The following RAB27B variants were observed in gnomAD, a reference collection of about 807,000 sequenced individuals.
RAB27B encodes RAB27B, member RAS oncogene family.
Under a neutral mutation model 24.6 loss-of-function variants are expected in RAB27B, and 15 were observed. The ratio of observed to expected loss-of-function variants is 0.61; its 90% confidence interval spans 0.41 to 0.94. The LOEUF (loss-of-function observed/expected upper bound fraction) is 0.94. Ranked by LOEUF, RAB27B falls within the 40% of genes least tolerant of loss-of-function variation. RAB27B has a pLI of 0.00. For missense variants in RAB27B, 261 were observed against 266.8 expected (o/e 0.98, Z 0.15); for synonymous variants, 105 against 92.5 (o/e 1.14, Z -0.78).
At chr18:54,804,906 CTTTCTTTCTTTCTTTCTT>C (rs767276109) in intron 2 of RAB27B, among the ~76,000 whole-genome samples, 4 of 115,382 alleles carry the variant, frequency 3.5e-5, no homozygotes, top group African/African-American at 1.1e-4. Context: ...TTCTCTCTCT[CTTTCTTTCTTTCTTTCTT>C]TCTTTCTTTC....
At chr18:54,788,187 A>G (rs954462306) in intron 2 of RAB27B, among the ~76,000 whole-genome samples, 1 of 152,240 alleles carries the variant, frequency 6.6e-6, no homozygotes, top group Non-Finnish European at 1.5e-5. Flanking sequence ...TGAAAGAGGC[A>G]CAGGTTTAGA....
rs145683514 is a variant in RAB27B at position 54,758,093 on chromosome 18, GT to G, written c.-20+39960del. 2.5e-3 allele frequency among the ~76,000 whole-genome samples: 385 copies of G among 151,886 alleles called. 1 individual carries two copies. Among genetic ancestry groups the G allele is most frequent in the African/African-American group, 8.8e-3 (364 of 41,402 alleles). On this transcript the variant is annotated intron_variant, in intron 2 of 4. Transcript: ENST00000586570. ...ATCAATGCTGTGCTTTGTAACCTAG[GT>G]TTTTTTTAAGCCTGTATTTTCTAGA...
chr18:54,856,362 A>T (rs1911786122), intron 1 of RAB27B, among the ~76,000 whole-genome samples: 1 of 152,254 alleles, frequency 6.6e-6, no homozygotes, highest in African/African-American at 2.4e-5. Flanking sequence ...GTAGAGAACT[A>T]GCCAGAGCCA....
chr18:54,728,815 G>A (rs2871702), intron 2 of RAB27B, among the ~76,000 whole-genome samples: 1 of 128,514 alleles, frequency 7.8e-6, no homozygotes, highest in East Asian at 2.5e-4. Flanking sequence ...GACAGAGGTT[G>A]CTGTGAACCA....
intron 3 of RAB27B, 76 bp downstream of exon 3, chr18:54,879,530 C>T (rs1912838894): frequency 2.5e-6 from 3 of 1,182,140 alleles, no homozygotes; most frequent in East Asian, 4.7e-5. Context: ...TGTATGTGAA[C>T]TTGAAAAACA....
At chr18:54,754,899 G>A (rs1205410178) in intron 2 of RAB27B, among the ~76,000 whole-genome samples, 1 of 152,146 alleles carries the variant, frequency 6.6e-6, no homozygotes, top group Non-Finnish European at 1.5e-5. Context: ...TGCCTTGCTA[G>A]TTTTGAGGTG....
rs1911078092 is a variant in RAB27B at position 54,840,802 on chromosome 18, G to A, written c.-20+12102G>A. ...AATACTGTCAACAACACTTGACTGG[G>A]TATCTTTGACAATAAGTTCTCAGTT... On this transcript the variant is annotated intron_variant, in intron 1 of 5. Transcript: ENST00000262094. 2.0e-5 allele frequency among the ~76,000 whole-genome samples: 3 copies of A among 152,116 alleles called. No homozygotes were observed. The South Asian group carries it at 6.2e-4, about 32-fold the overall frequency.
At chr18:54,839,423 G>A (rs899768093) in intron 1 of RAB27B, among the ~76,000 whole-genome samples, 1 of 152,136 alleles carries the variant, frequency 6.6e-6, no homozygotes, top group Admixed American at 6.5e-5. Context: ...AGATGAAAGA[G>A]AGTTAAAGTA....
intron 2 of RAB27B, among the ~76,000 whole-genome samples, chr18:54,797,121 A>G (rs1909445854): frequency 6.6e-6 from 1 of 152,234 alleles, no homozygotes; most frequent in Non-Finnish European, 1.5e-5. Flanking sequence ...CAAATAAATG[A>G]TATATGCAGA....
At chr18:54,825,229 A>G (rs567453011), upstream of RAB27B, among the ~76,000 whole-genome samples, 4 of 152,234 alleles carry the variant, frequency 2.6e-5, no homozygotes, top group Admixed American at 2.0e-4. Context: ...TCTCTGGAAG[A>G]TGTTTTAGGT....
chr18:54,728,959 A>G (rs1465347870), intron 2 of RAB27B, among the ~76,000 whole-genome samples: 1 of 142,762 alleles, frequency 7.0e-6, no homozygotes, highest in African/African-American at 2.5e-5. Context: ...AAATTCAGGA[A>G]TTTTTGTTTA....
chr18:54,873,310 T>C (rs1454868654), intron 1 of RAB27B, among the ~76,000 whole-genome samples: 1 of 152,210 alleles, frequency 6.6e-6, no homozygotes, highest in Non-Finnish European at 1.5e-5. Context: ...TGCCTTCCCA[T>C]GAAGGGCTTG....
chr18:54,838,795 T>G (rs567307548), intron 1 of RAB27B, among the ~76,000 whole-genome samples: 1 of 152,150 alleles, frequency 6.6e-6, no homozygotes. Flanking sequence ...GGTCTTTAAT[T>G]TTTTTTCTTA....
chr18:54,754,797 G>T (rs1300615644), intron 2 of RAB27B, among the ~76,000 whole-genome samples: 1 of 152,154 alleles, frequency 6.6e-6, no homozygotes, highest in African/African-American at 2.4e-5. Context: ...GGGACATCTG[G>T]ACTTTCTGTT....
At chr18:54,753,939 A>G (rs549516981) in intron 2 of RAB27B, among the ~76,000 whole-genome samples, 1 of 152,200 alleles carries the variant, frequency 6.6e-6, no homozygotes, top group South Asian at 2.1e-4. Context: ...CTCTATCTCC[A>G]CTTAGAGACA....
intron 1 of RAB27B, among the ~76,000 whole-genome samples, chr18:54,860,120 A>C (rs1168428340): frequency 3.9e-5 from 6 of 152,180 alleles, no homozygotes; most frequent in African/African-American, 1.4e-4. Context: ...ATTATTTGGC[A>C]TATCAAGAGT....
Position 54,889,217 on chromosome 18 carries a change from A to G in RAB27B, c.468-7A>G. ...CTCAAAAATATTTGCCATCCTTTCT[A>G]TGCTAGCATACCATATTTTGAAACA... On this transcript the variant is annotated splice_polypyrimidine_tract_variant and splice_region_variant and intron_variant, in intron 5 of 5. Coordinates refer to ENST00000262094, the MANE Select transcript of RAB27B (RefSeq NM_004163.4). 19 of 1,602,714 alleles carry G rather than the reference A, an allele frequency of 1.2e-5. 1 individual carries two copies. Among genetic ancestry groups the G allele is most frequent in the Non-Finnish European group, 1.6e-5 (19 of 1,175,372 alleles).
At chr18:54,879,241 A>T in intron 2 of RAB27B, 128 bp from the exon 3 acceptor site, 1 of 698,034 alleles carries the variant, frequency 1.4e-6, no homozygotes, top group Non-Finnish European at 2.5e-6. Context: ...AAAATAAAGC[A>T]AATATTTATT....
At chr18:54,812,814 CAT>C (rs1438214924) in intron 2 of RAB27B, among the ~76,000 whole-genome samples, 1 of 152,088 alleles carries the variant, frequency 6.6e-6, no homozygotes, top group South Asian at 2.1e-4. Flanking sequence ...TACAAGCACA[CAT>C]ATATATGTAT....
Sources: gnomAD v4.1 joint callset for allele counts (sites outside exome capture counted in the v4.1 genomes callset) on GRCh38, gnomAD v4.1.1 for gene constraint, MANE v1.5 for transcripts, NCBI Gene and HGNC (gene_info 2026-07-23, HGNC 2026-07-21) for gene names.